The following SHOC2 variants were observed in gnomAD, a reference collection of about 807,000 sequenced individuals.
SHOC2 encodes leucine-rich repeat protein SHOC-2.
Under a neutral mutation model 50.2 loss-of-function variants are expected in SHOC2, and 4 were observed. The observed-to-expected ratio is 0.08, with a 90% CI of 0.04 to 0.18. SHOC2 has a LOEUF of 0.18. Among genes scored for constraint, SHOC2 ranks in the 10% least tolerant of loss-of-function variants. The pLI is 1.00. For synonymous variants in SHOC2, 218 were observed against 244.5 expected (o/e 0.89, Z 1.01); for missense variants, 388 against 669.6 (o/e 0.58, Z 4.64).
intron 1 of SHOC2, among the ~76,000 whole-genome samples, 163 bp downstream of exon 1, chr10:110,919,820 C>CT (rs1462414226): frequency 1.3e-5 from 2 of 150,964 alleles, no homozygotes; most frequent in African/African-American, 4.8e-5. Flanking sequence ...GGCCGGGGCC[C>CT]TGGGAGGCGC....
intron 2 of SHOC2, among the ~76,000 whole-genome samples, chr10:110,980,900 T>A (rs2134142236): frequency 6.6e-6 from 1 of 152,344 alleles, no homozygotes; most frequent in African/African-American, 2.4e-5. Context: ...CTTTATTTCC[T>A]TATTTTATGA....
chr10:110,981,233 C>T (rs11195393), intron 2 of SHOC2, among the ~76,000 whole-genome samples: 11,072 of 152,168 alleles, frequency 0.073, 792 homozygotes, highest in East Asian at 0.3. Flanking sequence ...AGTCTTTTTA[C>T]GAATTGTAAG....
intron 4 of SHOC2, among the ~76,000 whole-genome samples, chr10:111,001,976 G>A (rs1848384939): frequency 6.6e-6 from 1 of 151,904 alleles, no homozygotes; most frequent in African/African-American, 2.4e-5. Flanking sequence ...AACCCGGGAG[G>A]CAGAGATTGC....
intron 1 of SHOC2, among the ~76,000 whole-genome samples, chr10:110,958,370 C>T (rs757940430): frequency 5.3e-5 from 8 of 152,046 alleles, no homozygotes; most frequent in Admixed American, 1.3e-4. Flanking sequence ...TGCACCACCA[C>T]GCCCAGCTAA....
chr10:111,001,157 C>CTTT (rs11379743), intron 4 of SHOC2, among the ~76,000 whole-genome samples: 6 of 129,266 alleles, frequency 4.6e-5, no homozygotes, highest in Admixed American at 1.6e-4. Context: ...AGATATAATA[C>CTTT]TTTTTTTTTT....
intron 1 of SHOC2, among the ~76,000 whole-genome samples, chr10:110,960,658 G>T (rs1055636077): frequency 7.9e-5 from 12 of 152,074 alleles, no homozygotes; most frequent in African/African-American, 2.9e-4. Context: ...TCAACTCAGA[G>T]CTCCACCAAG....
At chr10:110,932,082 A>C (rs1846906213) in intron 1 of SHOC2, among the ~76,000 whole-genome samples, 1 of 152,156 alleles carries the variant, frequency 6.6e-6, no homozygotes, top group Non-Finnish European at 1.5e-5. Flanking sequence ...AGTAAGTAGG[A>C]GTTAGCTCAG....
intron 1 of SHOC2, among the ~76,000 whole-genome samples, chr10:110,942,869 T>C (rs1221401190): frequency 6.6e-6 from 1 of 152,240 alleles, no homozygotes; most frequent in East Asian, 1.9e-4. Context: ...TTTAGAACTT[T>C]GAGTATGTCC....
At chr10:110,992,632 C>CA (rs1564725146) in intron 3 of SHOC2, among the ~76,000 whole-genome samples, 1 of 152,138 alleles carries the variant, frequency 6.6e-6, no homozygotes, top group Non-Finnish European at 1.5e-5. Flanking sequence ...CTTTTTGTTG[C>CA]ACTGGGCTCT....
chr10:110,953,731 T>TATAC (rs1491258110), intron 1 of SHOC2, among the ~76,000 whole-genome samples: 24 of 143,864 alleles, frequency 1.7e-4, no homozygotes, highest in Non-Finnish European at 3.2e-4. Context: ...CACACACGTG[T>TATAC]ATATATATAT....
At chr10:110,956,447 C>T (rs1342566997) in intron 1 of SHOC2, among the ~76,000 whole-genome samples, 2 of 152,182 alleles carry the variant, frequency 1.3e-5, no homozygotes, top group African/African-American at 4.8e-5. Flanking sequence ...AAACTCCTGA[C>T]TACATTTCAT....
chr10:110,985,758 T>C lies in SHOC2; in HGVS notation c.834T>C (p.Asp278=), dbSNP rs1848065047. 2 of 1,612,940 alleles carry C rather than the reference T, an allele frequency of 1.2e-6. No homozygotes were observed. Among genetic ancestry groups the C allele is most frequent in the Non-Finnish European group, 1.7e-6 (2 of 1,179,322 alleles). Reference sequence around the variant, plus strand: ...ACAATGAACTGCTAGACCTCCCAGATACTATAGGTATGAGAGGAGAAAGGA... The same window carrying C: ...ACAATGAACTGCTAGACCTCCCAGACACTATAGGTATGAGAGGAGAAAGGA... ...LQHNELLDLP[D]TIGNLSSLSR... Residue 278 remains aspartate, a synonymous_variant, in exon 3 of 9, where the codon GAT becomes GAC. Transcript: ENST00000369452.
intron 1 of SHOC2, among the ~76,000 whole-genome samples, chr10:110,948,404 T>C (rs934577053): frequency 8.5e-5 from 13 of 152,336 alleles, no homozygotes; most frequent in African/African-American, 3.1e-4. Flanking sequence ...AACAGGCATA[T>C]ACAGAGCATT....
intron 2 of SHOC2, among the ~76,000 whole-genome samples, chr10:110,981,919 T>A (rs2134143957): frequency 7.0e-6 from 1 of 141,952 alleles, no homozygotes; most frequent in South Asian, 2.3e-4. Context: ...GTTAGTTACA[T>A]ATGTATACAT....
At chr10:110,925,092 AT>A (rs778810604) in intron 1 of SHOC2, among the ~76,000 whole-genome samples, 9 of 120,970 alleles carry the variant, frequency 7.4e-5, no homozygotes, top group Non-Finnish European at 1.7e-4. Flanking sequence ...AAAAAAAAAA[AT>A]TAAAATAAAA....
chr10:110,955,742 A>G (rs1847448628), intron 1 of SHOC2, among the ~76,000 whole-genome samples: 1 of 152,262 alleles, frequency 6.6e-6, no homozygotes, highest in African/African-American at 2.4e-5. Flanking sequence ...CCAAAATATT[A>G]TAATTTCTTT....
chr10:110,956,077 T>C (rs1032546919), intron 1 of SHOC2, among the ~76,000 whole-genome samples: 3 of 152,160 alleles, frequency 2.0e-5, no homozygotes, highest in Non-Finnish European at 2.9e-5. Flanking sequence ...CACCAACATA[T>C]GTAGAGAATT....
At chr10:110,948,210 C>T (rs1847284766) in intron 1 of SHOC2, among the ~76,000 whole-genome samples, 1 of 151,984 alleles carries the variant, frequency 6.6e-6, no homozygotes, top group Admixed American at 6.6e-5. Flanking sequence ...CATCAGAGCA[C>T]CAAAATATTT....
intron 1 of SHOC2, among the ~76,000 whole-genome samples, chr10:110,941,741 CATTTGTGGGGCAAAACTTTTT>C (rs1847149709): frequency 6.6e-6 from 1 of 152,072 alleles, no homozygotes; most frequent in Admixed American, 6.5e-5. Context: ...TTAACAGGAT[CATTTGTGGGGCAAAACTTTTT>C]AATTTCGATG....
Sources: gnomAD v4.1 joint callset for allele counts (sites outside exome capture counted in the v4.1 genomes callset) on GRCh38, gnomAD v4.1.1 for gene constraint, MANE v1.5 for transcripts, NCBI Gene and HGNC (gene_info 2026-07-23, HGNC 2026-07-21) for gene names.